The following NUP155 variants were observed in gnomAD, a reference collection of about 807,000 sequenced individuals.
The protein encoded by NUP155 is nuclear pore complex protein Nup155.
In NUP155, 71 loss-of-function variants were observed where a neutral mutation model predicts 180.4. The ratio of observed to expected loss-of-function variants is 0.39; its 90% CI spans 0.33 to 0.48. The LOEUF (loss-of-function observed/expected upper bound fraction) is 0.48, where lower values mean the gene tolerates loss of function less well. Among genes scored for constraint, NUP155 ranks in the 20% least tolerant of loss-of-function variants. NUP155 has a pLI of 0.91. For missense variants in NUP155, 1,553 were observed against 1,648.9 expected (o/e 0.94, Z 1.01); for synonymous variants, 582 against 559.5 (o/e 1.04, Z -0.57).
chr5:37,345,120 C>G (rs1012278011), intron 9 of NUP155, among the ~76,000 whole-genome samples: 3 of 151,398 alleles, frequency 2.0e-5, no homozygotes, highest in Non-Finnish European at 4.4e-5. Context: ...GGAGGTCAAG[C>G]ACCACTGCAC....
chr5:37,349,893 C>A (rs78503108), intron 7 of NUP155, among the ~76,000 whole-genome samples: 1,831 of 152,280 alleles, frequency 0.012, 36 homozygotes, highest in African/African-American at 0.042. Flanking sequence ...CATACATACA[C>A]ATATTTTGGT....
At chr5:37,313,513 CAGAG>C (rs1268759705) in intron 22 of NUP155, among the ~76,000 whole-genome samples, 4 of 142,308 alleles carry the variant, frequency 2.8e-5, no homozygotes, top group African/African-American at 8.0e-5. Context: ...GTGAGAGAGA[CAGAG>C]AGAGACAGGG....
intron 12 of NUP155, 132 bp downstream of exon 12, chr5:37,337,683 TTTC>T: frequency 1.6e-6 from 1 of 606,706 alleles, no homozygotes; most frequent in Non-Finnish European, 2.9e-6. Flanking sequence ...GACAGGATAA[TTTC>T]TTTACTTTAT....
rs189657877 is a variant in NUP155, at chr5:37,370,696, A to T, written c.157+125T>A. On this transcript the variant is annotated intron_variant, in intron 1 of 34. Transcript: ENST00000231498. ...AAGAAGCTGCTTGCTGTTCTCCAAAAATGCAGCCAACAGTGCCATAAATCT... is the reference window on the plus strand; with the variant it reads ...AAGAAGCTGCTTGCTGTTCTCCAAATATGCAGCCAACAGTGCCATAAATCT... 5,640 of 1,609,160 alleles carry T rather than the reference A, an allele frequency of 3.5e-3. 25 individuals are homozygous for T. The highest frequency in any genetic ancestry group is 5.6e-3 in the Middle Eastern group (25 of 4,490).
At chr5:37,315,826 A>ACATGCCTGTAATCC (rs1743848636) in intron 21 of NUP155, among the ~76,000 whole-genome samples, 1 of 152,144 alleles carries the variant, frequency 6.6e-6, no homozygotes, top group Non-Finnish European at 1.5e-5. Context: ...GCCTGTAACC[A>ACATGCCTGTAATCC]CAGCTACTCG....
At chr5:37,369,204 A>G (rs577608286) in intron 1 of NUP155, among the ~76,000 whole-genome samples, 1 of 152,106 alleles carries the variant, frequency 6.6e-6, no homozygotes, top group East Asian at 1.9e-4. Flanking sequence ...ATGAGCTGTG[A>G]TCATGCCACT....
intron 27 of NUP155, 116 bp from the exon 28 acceptor site, chr5:37,303,530 A>T: frequency 1.2e-6 from 1 of 843,096 alleles, no homozygotes; most frequent in Non-Finnish European, 1.9e-6. Flanking sequence ...TTATGAAAAC[A>T]AGCAAAATTA....
chr5:37,303,051 A>G (rs1471082239), intron 28 of NUP155, 143 bp from the exon 29 acceptor site: 5 of 1,102,594 alleles, frequency 4.5e-6, no homozygotes, highest in Non-Finnish European at 6.5e-6. Flanking sequence ...GATTTAAAAA[A>G]AAATCTATTT....
chr5:37,306,730 G>A (rs927178637), intron 25 of NUP155, among the ~76,000 whole-genome samples: 5 of 152,058 alleles, frequency 3.3e-5, no homozygotes, highest in Non-Finnish European at 7.4e-5. Context: ...CTCCCAAAGT[G>A]CTGGGATTAC....
At chr5:37,364,225 TA>T in intron 2 of NUP155, 21 bp downstream of exon 2, 1 of 1,580,078 alleles carries the variant, frequency 6.3e-7, no homozygotes, top group Non-Finnish European at 8.7e-7. Context: ...ATTTTTAAAA[TA>T]AATACAAAGT....
chr5:37,292,898 G>A lies in NUP155; in HGVS notation c.4018C>T (p.Gln1340Ter). 5 of 1,607,708 alleles carry A rather than the reference G, an allele frequency of 3.1e-6. No individual in the cohort carries two copies. Among genetic ancestry groups the A allele is most frequent in the Non-Finnish European group, 3.4e-6 (4 of 1,174,808 alleles). The change falls in exon 34 of 35, where the codon CAA becomes TAA. Residue 1340 changes from glutamine to a stop codon, truncating the protein, a stop_gained. Coordinates refer to ENST00000231498, the MANE Select transcript of NUP155 (RefSeq NM_153485.3). LOFTEE classifies it high-confidence loss of function. ...LLIRYVENPS[Q>*]VLNCERRRFT... ...AAGTACCTTTCACAATTTAAAACTT[G>A]GCTGGGATTCTCAACATATCTTATC... is the stretch of plus-strand genomic sequence containing the variant.
At chr5:37,353,150 T>A (rs561239595) in intron 4 of NUP155, among the ~76,000 whole-genome samples, 119 of 151,904 alleles carry the variant, frequency 7.8e-4, no homozygotes, top group Non-Finnish European at 1.4e-3. Context: ...AATATAGAGA[T>A]GTATATTTGT....
chr5:37,332,996 C>G (rs1371047966), intron 13 of NUP155, among the ~76,000 whole-genome samples: 1 of 151,938 alleles, frequency 6.6e-6, no homozygotes, highest in Non-Finnish European at 1.5e-5. Flanking sequence ...CAACTGATAA[C>G]TGATAATTTT....
chr5:37,307,135 T>A (rs933479995), intron 25 of NUP155, among the ~76,000 whole-genome samples, 162 bp downstream of exon 25: 4 of 150,444 alleles, frequency 2.7e-5, no homozygotes, highest in African/African-American at 9.9e-5. Flanking sequence ...GAGGCAGAGA[T>A]TGCAGTGAGC....
At chr5:37,328,292 A>C (rs1349827556) in intron 17 of NUP155, 66 bp downstream of exon 17, 8 of 1,157,860 alleles carry the variant, frequency 6.9e-6, no homozygotes, top group Non-Finnish European at 1.0e-5. Flanking sequence ...CACACTAAGC[A>C]TTAAGGTTAA....
In NUP155 at chr5:37,358,147, C is replaced by T; in HGVS notation, c.397G>A (p.Asp133Asn). 6.2e-7 allele frequency: 1 copy of T among 1,611,248 alleles called. No homozygotes were observed. The highest frequency in any genetic ancestry group is 8.5e-7 in the Non-Finnish European group (1 of 1,177,518). ...IFMWNYEDGG[D>N]LAYFDGLSET... is the part of the protein sequence containing the mutation. ...CTAAGTCCATCAAAATAGGCAAGGTCTCCTCTGTGAATAAATGAAGAAAAA... is the reference window on the plus strand; with the variant it reads ...CTAAGTCCATCAAAATAGGCAAGGTTTCCTCTGTGAATAAATGAAGAAAAA... The change falls in exon 4 of 35, where the codon GAC becomes AAC. Residue 133 changes from aspartate to asparagine, a missense_variant. Transcript: ENST00000231498.
At chr5:37,318,196 G>A (rs1744025612) in intron 20 of NUP155, 111 bp from the exon 21 acceptor site, 2 of 757,704 alleles carry the variant, frequency 2.6e-6, no homozygotes, top group Non-Finnish European at 4.6e-6. Context: ...TAATTCAGAA[G>A]GTTGGGCAAC....
chr5:37,328,357 C>T lies in NUP155; in HGVS notation c.1876+1G>A, dbSNP rs769495361. 14 of 1,602,616 alleles carry T rather than the reference C, an allele frequency of 8.7e-6. No individual in the cohort carries two copies. In the Admixed American group the frequency reaches 1.5e-4, roughly 17 times the overall value. On this transcript the variant is annotated splice_donor_variant, in intron 17 of 34. Transcript: ENST00000231498. LOFTEE classifies it high-confidence loss of function. ...CAATCCAAAACAAAGAAAAGAGGTA[C>T]CATGAGACGGTGTTCCCAAAAAGGA...
chr5:37,325,637 C>T (rs961332526), intron 19 of NUP155, among the ~76,000 whole-genome samples: 2 of 151,760 alleles, frequency 1.3e-5, no homozygotes, highest in Admixed American at 6.6e-5. Context: ...GGCATGGTGG[C>T]GCACACCTGT....
Sources: allele counts gnomAD v4.1 joint callset (sites outside exome capture counted in the v4.1 genomes callset), GRCh38; gene constraint gnomAD v4.1.1; transcripts MANE v1.5; gene names NCBI Gene and HGNC (gene_info 2026-07-23, HGNC 2026-07-21).